Variants in PDILT observed in about 807,000 individuals in gnomAD.
PDILT encodes the protein protein disulfide-isomerase-like protein of the testis.
A neutral mutation model predicts 53.7 loss-of-function variants in PDILT; 43 were observed. That is an observed-to-expected ratio of 0.80 (90% confidence interval 0.63 to 1.03). The LOEUF (loss-of-function observed/expected upper bound fraction) is 1.03. Among genes scored for constraint, PDILT ranks in the 50% least tolerant of loss-of-function variants. The pLI, the probability that PDILT is intolerant of heterozygous loss-of-function variation, is 0.00. For missense variants in PDILT, 727 were observed against 712.3 expected (o/e 1.02, Z -0.24); for synonymous variants, 282 against 274.2 (o/e 1.03, Z -0.28).
At chr16:20,376,240 T>C in intron 3 of PDILT, 39 bp from the exon 4 acceptor site, 1 of 1,610,070 alleles carries the variant, frequency 6.2e-7, no homozygotes, top group Non-Finnish European at 8.5e-7. Flanking sequence ...CAGAGAAGTT[T>C]CCTCTTGAAC....
At position 20,365,602 on chromosome 16, in the gene PDILT, C is replaced by G. The variant is rs1966179554; in HGVS notation, c.1117-62G>C. 9 of 1,572,234 alleles carry G rather than the reference C, an allele frequency of 5.7e-6. No homozygotes were observed. The South Asian group carries it at 1.0e-4, about 18-fold the overall frequency. ...AAAGGGTCTTGAAGTTGTGGGGCTCCCCACCTTGATTGGAAACCACTAAAG... is the reference window on the plus strand; with the variant it reads ...AAAGGGTCTTGAAGTTGTGGGGCTCGCCACCTTGATTGGAAACCACTAAAG... On this transcript the variant is annotated intron_variant, in intron 8 of 11. Coordinates refer to ENST00000302451, the MANE Select transcript of PDILT (RefSeq NM_174924.2).
Position 20,401,549 on chromosome 16 carries a change from C to T in PDILT, c.-7-2242G>A, listed in dbSNP as rs557076205. Reference sequence around the variant, plus strand: ...TCCAAACCTCCTCGGTGCCCAGAATCCCTTGCCTGGCAGGAAAGGGCCAGA... The same window carrying T: ...TCCAAACCTCCTCGGTGCCCAGAATTCCTTGCCTGGCAGGAAAGGGCCAGA... On this transcript the variant is annotated intron_variant, in intron 1 of 11. Transcript: ENST00000302451. Among the ~76,000 whole-genome samples the T allele has an allele frequency of 2.0e-5, 3 of 152,312 alleles. 1 individual carries two copies. The South Asian group carries it at 6.2e-4, about 32-fold the overall frequency.
intron 1 of PDILT, among the ~76,000 whole-genome samples, chr16:20,401,863 C>T (rs1469327513): frequency 6.6e-6 from 1 of 152,246 alleles, no homozygotes; most frequent in Non-Finnish European, 1.5e-5. Context: ...AGTTCCTGAT[C>T]AAGGAAGGGG....
intron 3 of PDILT, among the ~76,000 whole-genome samples, chr16:20,384,237 C>T (rs1310575819): frequency 6.6e-6 from 1 of 152,184 alleles, no homozygotes; most frequent in Non-Finnish European, 1.5e-5. Context: ...TTTCTAGGGC[C>T]CATCAGCTGA....
chr16:20,400,140 C>G (rs1280170933), intron 1 of PDILT, among the ~76,000 whole-genome samples: 3 of 151,576 alleles, frequency 2.0e-5, no homozygotes, highest in African/African-American at 7.3e-5. Flanking sequence ...CACCTCACTG[C>G]GACCTCTGCA....
chr16:20,395,445 G>C (rs570274610), intron 2 of PDILT, among the ~76,000 whole-genome samples: 2 of 152,284 alleles, frequency 1.3e-5, no homozygotes, highest in Non-Finnish European at 2.9e-5. Context: ...AAGCATAGCA[G>C]CCATCTTGTG....
At chr16:20,398,312 C>T (rs189615628) in intron 2 of PDILT, among the ~76,000 whole-genome samples, 26 of 152,124 alleles carry the variant, frequency 1.7e-4, no homozygotes, top group Admixed American at 3.9e-4. Context: ...AGTGGCCATG[C>T]AAATCTGACA....
At chr16:20,387,608 T>C (rs1278888033) in intron 2 of PDILT, among the ~76,000 whole-genome samples, 1 of 152,044 alleles carries the variant, frequency 6.6e-6, no homozygotes, top group Non-Finnish European at 1.5e-5. Context: ...AGTTACTCTT[T>C]TTCTTTTCTT....
chr16:20,400,813 G>A (rs1966730772), intron 1 of PDILT, among the ~76,000 whole-genome samples: 1 of 151,990 alleles, frequency 6.6e-6, no homozygotes. Context: ...ATATTTAAAA[G>A]GTAAGGATTT....
chr16:20,394,852 G>T (rs1416661643), intron 2 of PDILT, among the ~76,000 whole-genome samples: 2 of 152,178 alleles, frequency 1.3e-5, no homozygotes, highest in Admixed American at 1.3e-4. Context: ...GAAGGAGACT[G>T]GTTGCCTGAA....
At chr16:20,385,811 G>T (rs1010610706) in intron 2 of PDILT, 3 of 152,154 alleles carry the variant, frequency 2.0e-5, no homozygotes, top group African/African-American at 7.2e-5. Context: ...AAAAGTGTAT[G>T]CCCAGGGCAA....
chr16:20,375,010 G>A, intron 4 of PDILT, 51 bp from the exon 5 acceptor site: 1 of 1,550,830 alleles, frequency 6.4e-7, no homozygotes, highest in South Asian at 1.2e-5. Flanking sequence ...CAAGGTGCCT[G>A]GTTTATATAA....
At position 20,399,333 on chromosome 16, in the gene PDILT, G is replaced by C. The variant is rs768747876; in HGVS notation, c.-7-26C>G. 10 of 1,609,738 alleles carry C rather than the reference G, an allele frequency of 6.2e-6. No individual in the cohort carries two copies. In the South Asian group the frequency reaches 1.1e-4, roughly 18 times the overall value. Reference sequence around the variant, plus strand: ...CTGCAGGGGCCGGAGAAGGAACAGAGACCTTATCAACACAGGTGGTGGAGC... The same window carrying C: ...CTGCAGGGGCCGGAGAAGGAACAGACACCTTATCAACACAGGTGGTGGAGC... On this transcript the variant is annotated intron_variant, in intron 1 of 11. Transcript: ENST00000302451.
chr16:20,402,293 T>TTTTCTTTTCTTTTC (rs1389026225), intron 1 of PDILT, among the ~76,000 whole-genome samples: 1 of 151,062 alleles, frequency 6.6e-6, no homozygotes, highest in African/African-American at 2.4e-5. Context: ...AGTGTTGATC[T>TTTTCTTTTCTTTTC]TTTCTTTTCT....
intron 2 of PDILT, among the ~76,000 whole-genome samples, chr16:20,395,616 G>A (rs1966652917): frequency 6.6e-6 from 1 of 152,176 alleles, no homozygotes; most frequent in Admixed American, 6.5e-5. Flanking sequence ...AGTTTGGTTA[G>A]TTCGACTTTC....
In PDILT at chr16:20,362,517, G is replaced by T; in HGVS notation, c.1303C>A (p.Gln435Lys). 1 of 1,614,038 alleles carries T rather than the reference G, an allele frequency of 6.2e-7. No homozygotes were observed. Among genetic ancestry groups the T allele is most frequent in the Non-Finnish European group, 8.5e-7 (1 of 1,179,990 alleles). Residue 435 changes from glutamine to lysine, a missense_variant, in exon 10 of 12, where the codon CAA becomes AAA. Physicochemically the swap from Gln to Lys is moderately conservative, Grantham distance 53. Transcript: ENST00000302451. Reference protein sequence around the residue: ...PLLEELGRKYQNHSTIIIAKI... With the variant: ...PLLEELGRKYKNHSTIIIAKI... ...GCAATGATAATTGTGGAGTGGTTTT[G>T]ATATTTTCTGCCCAATTCCTCCAAC...
chr16:20,398,976 G>A (rs1966695140), intron 2 of PDILT, 123 bp downstream of exon 2: 5 of 1,039,530 alleles, frequency 4.8e-6, no homozygotes, highest in Non-Finnish European at 7.1e-6. Context: ...TATATTAAAT[G>A]TCTGTTTTAA....
At chr16:20,373,226 T>A in intron 5 of PDILT, 104 bp from the exon 6 acceptor site, 1 of 943,186 alleles carries the variant, frequency 1.1e-6, no homozygotes, top group South Asian at 1.5e-5. Context: ...AGGAAAGCAC[T>A]GAGGAATGGT....
rs5816105 is a variant in PDILT, at chr16:20,361,205, T to TTTTTTTTTTG, written c.1417-549_1417-548insCAAAAAAAAA. Among the ~76,000 whole-genome samples, 724 of 134,734 alleles carry TTTTTTTTTTG rather than the reference T, an allele frequency of 5.4e-3. 36 individuals carry two copies. The highest frequency in any genetic ancestry group is 0.019 in the African/African-American group (664 of 35,324). 88.4% of individuals were successfully genotyped at this position (134,734 alleles called of 152,430 possible). A position where few individuals can be genotyped will look rare whatever the true frequency, so the allele number is the denominator to read the frequency against. ...TCCCTTTCCTCTTTTTTTTTTTTTT[T>TTTTTTTTTTG]ATATGGAATCTTGCTCTGTCACCAT... On this transcript the variant is annotated intron_variant, in intron 10 of 11. Transcript: ENST00000302451.
Sources: allele counts gnomAD v4.1 joint callset (sites outside exome capture counted in the v4.1 genomes callset), GRCh38; gene constraint gnomAD v4.1.1; transcripts MANE v1.5; gene names NCBI Gene and HGNC (gene_info 2026-07-23, HGNC 2026-07-21).